The following DLG2 variants were observed in gnomAD, a reference collection of about 807,000 sequenced individuals.
DLG2 encodes the protein discs large MAGUK scaffold protein 2, also known as disks large homolog 2.
A neutral mutation model predicts 132.5 loss-of-function variants in DLG2; 45 were observed. That is an observed-to-expected ratio of 0.34 (90% CI 0.27 to 0.44). The LOEUF (loss-of-function observed/expected upper bound fraction) is 0.44. Ranked by LOEUF, DLG2 falls within the 20% of genes least tolerant of loss-of-function variation. The pLI, the probability that DLG2 is intolerant of heterozygous loss-of-function variation, is 1.00. For synonymous variants in DLG2, 424 were observed against 419.6 expected (o/e 1.01, Z -0.13); for missense variants, 1,045 against 1,196.9 (o/e 0.87, Z 1.87).
intron 7 of DLG2, among the ~76,000 whole-genome samples, chr11:84,527,000 G>C (rs953746521): frequency 2.0e-5 from 3 of 151,992 alleles, no homozygotes; most frequent in South Asian, 4.1e-4. Context: ...GGATGATCTC[G>C]ATCTCCTGAC....
In DLG2 at chr11:83,474,410, T is replaced by G. The variant is rs548277555; in HGVS notation, c.2294-1633A>C. 2.0e-5 allele frequency among the ~76,000 whole-genome samples: 3 copies of G among 152,180 alleles called. No homozygotes were observed. The South Asian group carries it at 6.2e-4, about 32-fold the overall frequency. On this transcript the variant is annotated intron_variant, in intron 22 of 27. Coordinates refer to ENST00000376104, the MANE Select transcript of DLG2 (RefSeq NM_001142699.3). ...AAATGCTGTGGGTCAATTAAAGAAG[T>G]GTAAAAATTCTTGGGGAGAAAGTAT...
chr11:85,426,029 C>A lies in DLG2; in HGVS notation c.41-140664G>T, dbSNP rs2090697511. 3.3e-5 allele frequency among the ~76,000 whole-genome samples: 5 copies of A among 152,180 alleles called. No individual in the cohort carries two copies. In the South Asian group the frequency reaches 1.0e-3, roughly 31 times the overall value. Reference sequence around the variant, plus strand: ...TCGGAGGGTCCTACCCCCATGGAGCCTTGTTCATTGCTAGCGCAGCAGTCT... The same window carrying A: ...TCGGAGGGTCCTACCCCCATGGAGCATTGTTCATTGCTAGCGCAGCAGTCT... On this transcript the variant is annotated intron_variant, in intron 3 of 27. Coordinates refer to ENST00000376104, the MANE Select transcript of DLG2 (RefSeq NM_001142699.3).
At chr11:83,577,467 A>G (rs2096891129) in intron 19 of DLG2, among the ~76,000 whole-genome samples, 1 of 140,988 alleles carries the variant, frequency 7.1e-6, no homozygotes, top group Non-Finnish European at 1.5e-5. Flanking sequence ...GGATATATAT[A>G]TATAAAATAG....
At chr11:85,333,331 ATCT>A (rs1228873216) in intron 3 of DLG2, among the ~76,000 whole-genome samples, 1 of 152,208 alleles carries the variant, frequency 6.6e-6, no homozygotes, top group Non-Finnish European at 1.5e-5. Context: ...CAGTTCTAGG[ATCT>A]TCTTGGCAGA....
rs80152047 is a variant in DLG2 at position 83,695,962 on chromosome 11, G to A, written c.1826-62637C>T. ...GACTGAGGAGAGAAATGAGAGGCAG[G>A]CTTGGGAGTCACGGGGTGGATCATT... is the stretch of plus-strand genomic sequence containing the variant. On this transcript the variant is annotated intron_variant, in intron 18 of 27. Transcript: ENST00000376104. 1.6e-3 allele frequency among the ~76,000 whole-genome samples: 240 copies of A among 152,272 alleles called. 1 individual carries two copies. Among genetic ancestry groups the A allele is most frequent in the African/African-American group, 5.5e-3 (229 of 41,564 alleles).
At chr11:83,709,007 G>A (rs1030402473) in intron 18 of DLG2, among the ~76,000 whole-genome samples, 5 of 152,060 alleles carry the variant, frequency 3.3e-5, no homozygotes, top group Non-Finnish European at 1.5e-5. Flanking sequence ...TTTACTTGAT[G>A]ATTTATTAGG....
chr11:83,594,234 G>A (rs561771452), intron 19 of DLG2, among the ~76,000 whole-genome samples: 2 of 152,324 alleles, frequency 1.3e-5, no homozygotes, highest in South Asian at 4.1e-4. Flanking sequence ...GATTTCTAAT[G>A]GTGCAGCTCT....
At chr11:85,050,966 A>G (rs2062829561) in intron 6 of DLG2, among the ~76,000 whole-genome samples, 1 of 152,142 alleles carries the variant, frequency 6.6e-6, no homozygotes, top group Non-Finnish European at 1.5e-5. Flanking sequence ...GCCTCAAGCC[A>G]CTAGTGGCAT....
At chr11:85,487,918 T>A (rs1042353250) in intron 3 of DLG2, among the ~76,000 whole-genome samples, 4 of 152,212 alleles carry the variant, frequency 2.6e-5, no homozygotes, top group African/African-American at 9.7e-5. Flanking sequence ...CATCTTGGAC[T>A]GTACTCCCAT....
rs1035997835 is a variant in DLG2 at position 85,060,209 on chromosome 11, G to C, written c.357+51452C>G. On this transcript the variant is annotated intron_variant, in intron 6 of 27. Coordinates refer to ENST00000376104, the MANE Select transcript of DLG2 (RefSeq NM_001142699.3). Reference sequence around the variant, plus strand: ...ATTATGCAGTATTTGTCCCATCACTGGCTTATTTCACTTAGTATAATGTCC... The same window carrying C: ...ATTATGCAGTATTTGTCCCATCACTCGCTTATTTCACTTAGTATAATGTCC... Among the ~76,000 whole-genome samples, 35 of 151,330 alleles carry C rather than the reference G, an allele frequency of 2.3e-4. 1 individual carries two copies. The highest frequency in any genetic ancestry group is 7.7e-4 in the African/African-American group (32 of 41,356).
At chr11:85,381,303 T>A (rs898767425) in intron 3 of DLG2, among the ~76,000 whole-genome samples, 1 of 152,124 alleles carries the variant, frequency 6.6e-6, no homozygotes, top group Non-Finnish European at 1.5e-5. Context: ...TTTAAAAAAA[T>A]TGGTAGGTTC....
intron 7 of DLG2, among the ~76,000 whole-genome samples, chr11:84,330,718 C>G (rs377481766): frequency 2.0e-4 from 30 of 152,340 alleles, no homozygotes; most frequent in African/African-American, 6.7e-4. Context: ...TAAGGTCAAA[C>G]AGCTGGTAAG....
At chr11:84,332,771 C>A (rs1005675079) in intron 7 of DLG2, among the ~76,000 whole-genome samples, 1 of 152,164 alleles carries the variant, frequency 6.6e-6, no homozygotes, top group African/African-American at 2.4e-5. Context: ...AGAAACAGCA[C>A]CTCGTTCCAC....
intron 9 of DLG2, among the ~76,000 whole-genome samples, chr11:84,125,474 C>A (rs2094131848): frequency 6.6e-6 from 1 of 152,130 alleles, no homozygotes; most frequent in Non-Finnish European, 1.5e-5. Context: ...GATAAACAAC[C>A]TAAGCCACTA....
At chr11:85,365,014 AC>A (rs1336312542) in intron 3 of DLG2, among the ~76,000 whole-genome samples, 1 of 152,104 alleles carries the variant, frequency 6.6e-6, no homozygotes, top group East Asian at 1.9e-4. Flanking sequence ...TTAATCTGGG[AC>A]CCTCACCCTA....
chr11:85,606,974 C>G (rs1364678849), intron 2 of DLG2, among the ~76,000 whole-genome samples: 1 of 152,168 alleles, frequency 6.6e-6, no homozygotes, highest in Non-Finnish European at 1.5e-5. Context: ...CCACGAGGGT[C>G]CACAGCTTCA....
chr11:84,909,620 C>T (rs534412821), intron 6 of DLG2, among the ~76,000 whole-genome samples: 2 of 152,300 alleles, frequency 1.3e-5, no homozygotes, highest in South Asian at 4.1e-4. Flanking sequence ...TGTACTACTG[C>T]TCTTTTGACC....
At chr11:84,713,668 T>C (rs1383132860) in intron 6 of DLG2, among the ~76,000 whole-genome samples, 1 of 152,084 alleles carries the variant, frequency 6.6e-6, no homozygotes, top group Non-Finnish European at 1.5e-5. Context: ...TGTGATGACA[T>C]ATAAAGTAGC....
At chr11:85,488,849 G>C (rs2093492332) in intron 3 of DLG2, among the ~76,000 whole-genome samples, 1 of 152,008 alleles carries the variant, frequency 6.6e-6, no homozygotes, top group South Asian at 2.1e-4. Context: ...TAAAAGAAAT[G>C]TTCAATGAAG....
Sources: allele counts gnomAD v4.1 joint callset (sites outside exome capture counted in the v4.1 genomes callset), GRCh38; gene constraint gnomAD v4.1.1; transcripts MANE v1.5; gene names NCBI Gene and HGNC (gene_info 2026-07-23, HGNC 2026-07-21).